FRMD4A: variants seen among roughly 807,000 people sequenced by gnomAD.
FRMD4A encodes the protein FERM domain containing 4A, also known as FERM domain-containing protein 4A.
In FRMD4A, 29 loss-of-function variants were observed where a neutral mutation model predicts 129.1. The observed-to-expected ratio is 0.22, with a 90% CI of 0.17 to 0.31. The LOEUF is 0.31. FRMD4A is among the 10% of genes least tolerant of loss of function. FRMD4A has a pLI of 1.00. For synonymous variants in FRMD4A, 634 were observed against 571.6 expected, an observed-to-expected ratio of 1.11 and a Z score of -1.56; for missense variants, 1,272 against 1,375.8, an observed-to-expected ratio of 0.92 and a Z score of 1.19.
chr10:13,849,186 T>A (rs2131003192), intron 3 of FRMD4A, among the ~76,000 whole-genome samples: 1 of 152,332 alleles, frequency 6.6e-6, no homozygotes, highest in East Asian at 1.9e-4. Flanking sequence ...CCTGGTGGCC[T>A]GGGAGGTCCC....
In FRMD4A at chr10:13,934,946, G is replaced by A. The variant is rs529516988; in HGVS notation, c.46-76034C>T. Among the ~76,000 whole-genome samples, 10 of 152,250 alleles carry A rather than the reference G, an allele frequency of 6.6e-5. No individual in the cohort carries two copies. The East Asian group carries it at 1.9e-3, about 29-fold the overall frequency. On this transcript the variant is annotated intron_variant, in intron 2 of 24. Transcript: ENST00000357447. The stretch of plus-strand genomic sequence containing the variant: ...AGCTTTGGCGTCAGGTGAGGCCTCT[G>A]TCTGCTTCATAAATGGCACTTTCTT...
intron 5 of FRMD4A, among the ~76,000 whole-genome samples, chr10:13,792,489 C>T (rs980639832): frequency 2.6e-5 from 4 of 152,100 alleles, no homozygotes; most frequent in Non-Finnish European, 4.4e-5. Flanking sequence ...GGAGTCAGAC[C>T]TGACCGAACA....
intron 2 of FRMD4A, among the ~76,000 whole-genome samples, chr10:14,052,905 A>G (rs11258835): frequency 0.051 from 7,723 of 151,978 alleles, 361 homozygotes; most frequent in East Asian, 0.21. Context: ...CGTAACTCAT[A>G]GAGTGATAAC....
intron 2 of FRMD4A, among the ~76,000 whole-genome samples, chr10:13,980,979 G>T (rs1318098308): frequency 1.3e-5 from 2 of 152,140 alleles, no homozygotes; most frequent in South Asian, 4.1e-4. Flanking sequence ...TGCAAAATCA[G>T]GCCTGTTTTA....
intron 15 of FRMD4A, chr10:13,684,635 G>A (rs980557084): frequency 1.2e-5 from 12 of 985,344 alleles, no homozygotes; most frequent in Middle Eastern, 5.2e-4. Context: ...ACTCAGCACC[G>A]GATATGAGCG....
chr10:14,244,504 C>T (rs1018957774), intron 2 of FRMD4A, among the ~76,000 whole-genome samples: 1 of 152,294 alleles, frequency 6.6e-6, no homozygotes, highest in South Asian at 2.1e-4. Flanking sequence ...AGGCATTTGA[C>T]ATTTAAATAT....
chr10:14,085,320 C>T (rs184154488), intron 2 of FRMD4A, among the ~76,000 whole-genome samples: 236 of 152,330 alleles, frequency 1.5e-3, no homozygotes, highest in Admixed American at 2.2e-3. Context: ...GAAAATGCCA[C>T]GGCAGATGCG....
intron 2 of FRMD4A, among the ~76,000 whole-genome samples, chr10:14,190,864 GA>G (rs1842295547): frequency 6.6e-6 from 1 of 152,204 alleles, no homozygotes; most frequent in African/African-American, 2.4e-5. Flanking sequence ...AGGAAGTCTG[GA>G]AAGTCCTTGG....
chr10:13,654,650 C>T (rs2081984308), intron 22 of FRMD4A, 138 bp from the exon 23 acceptor site: 1 of 623,160 alleles, frequency 1.6e-6, no homozygotes, highest in Admixed American at 2.8e-5. Flanking sequence ...GACCCCAGAG[C>T]AGGGTCTCAG....
chr10:14,165,351 C>A (rs893845025), intron 2 of FRMD4A, among the ~76,000 whole-genome samples: 4 of 152,030 alleles, frequency 2.6e-5, no homozygotes, highest in African/African-American at 7.2e-5. Flanking sequence ...AACTAAGAAG[C>A]CAAAACATAA....
At chr10:14,110,828 TTTATTA>T (rs1439126574) in intron 2 of FRMD4A, among the ~76,000 whole-genome samples, 2 of 152,142 alleles carry the variant, frequency 1.3e-5, no homozygotes, top group Non-Finnish European at 2.9e-5. Context: ...TGTATTTTAT[TTTATTA>T]TTATTATTTG....
intron 23 of FRMD4A, 47 bp from the exon 24 acceptor site, chr10:13,652,021 CAG>C: frequency 2.1e-6 from 2 of 975,564 alleles, no homozygotes; most frequent in East Asian, 2.4e-5. Flanking sequence ...GGTCATGTTA[CAG>C]AGAGACACTG....
intron 2 of FRMD4A, among the ~76,000 whole-genome samples, chr10:14,053,469 C>G (rs1834360513): frequency 6.6e-6 from 1 of 152,164 alleles, no homozygotes; most frequent in African/African-American, 2.4e-5. Flanking sequence ...TGATCTACCC[C>G]CAGTGGAAGC....
chr10:13,941,916 A>G (rs541028221), intron 2 of FRMD4A, among the ~76,000 whole-genome samples: 1 of 152,264 alleles, frequency 6.6e-6, no homozygotes, highest in African/African-American at 2.4e-5. Flanking sequence ...TCTGTTTTAC[A>G]TTTTACCCTG....
At chr10:13,914,787 C>T (rs1013481238) in intron 2 of FRMD4A, among the ~76,000 whole-genome samples, 3 of 151,830 alleles carry the variant, frequency 2.0e-5, no homozygotes, top group Admixed American at 6.6e-5. Flanking sequence ...GACCCCAAAG[C>T]TCATGCAATA....
intron 2 of FRMD4A, among the ~76,000 whole-genome samples, chr10:14,272,661 A>G (rs1845202938): frequency 6.6e-6 from 1 of 152,198 alleles, no homozygotes; most frequent in South Asian, 2.1e-4. Context: ...AGGAAGCATA[A>G]CAACCTAGTG....
intron 3 of FRMD4A, among the ~76,000 whole-genome samples, chr10:13,835,150 A>G (rs941332339): frequency 1.3e-5 from 2 of 152,174 alleles, no homozygotes; most frequent in African/African-American, 4.8e-5. Context: ...GAGGGCTTTG[A>G]TGGCCGCCGA....
chr10:13,976,673 A>C (rs1472536426), intron 2 of FRMD4A, among the ~76,000 whole-genome samples: 1 of 152,222 alleles, frequency 6.6e-6, no homozygotes, highest in Non-Finnish European at 1.5e-5. Context: ...TATGAACAAA[A>C]TTTGCAAATA....
intron 19 of FRMD4A, among the ~76,000 whole-genome samples, chr10:13,660,768 C>T (rs1303286934): frequency 3.3e-5 from 5 of 152,116 alleles, no homozygotes; most frequent in East Asian, 1.9e-4. Context: ...CCACTGCAGG[C>T]GGGATTGCAT....
Sources: gnomAD v4.1 joint callset for allele counts (sites outside exome capture counted in the v4.1 genomes callset) on GRCh38, gnomAD v4.1.1 for gene constraint, MANE v1.5 for transcripts, NCBI Gene and HGNC (gene_info 2026-07-23, HGNC 2026-07-21) for gene names.